BCR: variants seen among roughly 807,000 people sequenced by gnomAD.
BCR encodes breakpoint cluster region protein.
In BCR, 58 loss-of-function variants were observed where a neutral mutation model predicts 138.6. That is an observed-to-expected ratio of 0.42 (90% CI 0.34 to 0.52). The LOEUF (loss-of-function observed/expected upper bound fraction) is 0.52. Among genes scored for constraint, BCR ranks in the 20% least tolerant of loss-of-function variants. The pLI is 0.06. For missense variants in BCR, 1,599 were observed against 1,727.2 expected (o/e 0.93, Z 1.32); for synonymous variants, 786 against 730.1 (o/e 1.08, Z -1.23).
rs896482285 is a variant in BCR, at chr22:23,181,662, C to G, written c.702C>G (p.Arg234=). 1 of 1,607,936 alleles carries G rather than the reference C, an allele frequency of 6.2e-7. No individual in the cohort carries two copies. Among genetic ancestry groups the G allele is most frequent in the Admixed American group, 1.7e-5 (1 of 60,010 alleles). ...GDASRPPYRG[R]SSESSCGVDG... ...CATCCAGGCCCCCTTACCGGGGACG[C>G]TCCTCGGAGAGCAGCTGCGGCGTCG... The change falls in exon 1 of 23, where the codon CGC becomes CGG. Residue 234 remains arginine (R), a synonymous_variant. Coordinates refer to ENST00000305877, the MANE Select transcript of BCR (RefSeq NM_004327.4).
intron 7 of BCR, among the ~76,000 whole-genome samples, chr22:23,273,363 T>C (rs755469165): frequency 5.3e-5 from 8 of 152,130 alleles, no homozygotes; most frequent in Non-Finnish European, 1.0e-4. Context: ...AGTGCTGAGG[T>C]TGAGAAACCC....
chr22:23,274,229 G>A (rs1490402324), intron 8 of BCR, among the ~76,000 whole-genome samples: 2 of 152,208 alleles, frequency 1.3e-5, no homozygotes, highest in African/African-American at 4.8e-5. Context: ...AGTGGGGTTC[G>A]TGGTTTGTGT....
At chr22:23,247,754 C>T (rs866301685) in intron 1 of BCR, among the ~76,000 whole-genome samples, 8 of 152,300 alleles carry the variant, frequency 5.3e-5, no homozygotes, top group Non-Finnish European at 2.9e-5. Context: ...CCCACCGTTC[C>T]ACCTTCTGTC....
At position 23,263,908 on chromosome 22, in the gene BCR, C is replaced by T. The variant is rs531464466; in HGVS notation, c.1752+2368C>T. The stretch of plus-strand genomic sequence containing the variant: ...TTACTCAGCTCTTTTGTGACAGGGA[C>T]GGCTTGTTGTGGGCACTTCTCACCC... On this transcript the variant is annotated intron_variant, in intron 4 of 22. Coordinates refer to ENST00000305877, the MANE Select transcript of BCR (RefSeq NM_004327.4). 48 of 949,262 alleles carry T rather than the reference C, an allele frequency of 5.1e-5. 1 individual carries two copies. Among genetic ancestry groups the T allele is most frequent in the Admixed American group, 1.4e-4 (8 of 58,996 alleles). 58.8% of individuals were successfully genotyped at this position (949,262 alleles called of 1,614,324 possible).
chr22:23,313,743 C>T (rs959951615), intron 20 of BCR, among the ~76,000 whole-genome samples: 2 of 152,178 alleles, frequency 1.3e-5, no homozygotes, highest in East Asian at 1.9e-4. Context: ...TGCTGTTTGC[C>T]GGGTGCTGCT....
chr22:23,235,317 T>C lies in BCR; in HGVS notation c.1280-18482T>C, dbSNP rs1237704023. On this transcript the variant is annotated intron_variant, in intron 1 of 22. Coordinates refer to ENST00000305877, the MANE Select transcript of BCR (RefSeq NM_004327.4). ...CTGGTCTCGAACTCCTGACCTCAAG[T>C]GATCCGCCTGCCTTGGCATCCCAAA... Among the ~76,000 whole-genome samples, 7 of 144,294 alleles carry C rather than the reference T, an allele frequency of 4.9e-5. 2 individuals are homozygous for C. The highest frequency in any genetic ancestry group is 1.1e-4 in the Non-Finnish European group (7 of 63,476). 94.7% of individuals were successfully genotyped at this position (144,294 alleles called of 152,430 possible).
Position 23,289,378 on chromosome 22 carries a change from C to T in BCR, c.2603-139C>T, listed in dbSNP as rs76387161. On this transcript the variant is annotated intron_variant, in intron 12 of 22. Coordinates refer to ENST00000305877, the MANE Select transcript of BCR (RefSeq NM_004327.4). ...AGCACTGCACTTGAGAGCCAAGTGC[C>T]CTCTCCTGAGCCCCCAAGCCCTGGC... 5,177 of 683,232 alleles carry T rather than the reference C, an allele frequency of 7.6e-3. 35 individuals carry two copies. Among genetic ancestry groups the T allele is most frequent in the Non-Finnish European group, 8.8e-3 (3,444 of 391,286 alleles). The allele number at this position is 683,232 out of a possible 1,614,324, so 42.3% of individuals were successfully genotyped here.
At chr22:23,282,264 G>A (rs931280609) in intron 8 of BCR, among the ~76,000 whole-genome samples, 21 of 152,240 alleles carry the variant, frequency 1.4e-4, no homozygotes, top group African/African-American at 5.1e-4. Flanking sequence ...TGTTTCTCCA[G>A]GTGCACATGC....
At chr22:23,196,527 T>C (rs1048554378) in intron 1 of BCR, among the ~76,000 whole-genome samples, 5 of 152,152 alleles carry the variant, frequency 3.3e-5, no homozygotes, top group Non-Finnish European at 7.3e-5. Context: ...TCTCTCGATA[T>C]CCGCAGGAAA....
intron 4 of BCR, chr22:23,264,040 T>G: frequency 1.0e-6 from 1 of 985,332 alleles, no homozygotes; most frequent in East Asian, 2.4e-5. Flanking sequence ...CCTTTCGCAC[T>G]GCTCTCCTGT....
chr22:23,210,240 A>T (rs1479346568), intron 1 of BCR, among the ~76,000 whole-genome samples: 2 of 151,830 alleles, frequency 1.3e-5, no homozygotes, highest in African/African-American at 4.8e-5. Context: ...ACAAAGTGAG[A>T]CCCCATCTCT....
At position 23,183,375 on chromosome 22, in the gene BCR, A is replaced by G. The variant is rs542273795; in HGVS notation, c.1279+1136A>G. The stretch of plus-strand genomic sequence containing the variant: ...TGCTTGGTTTGTCAAAATCCTCTTC[A>G]AACGAGTGAGGCTATTTTTGGCTCT... On this transcript the variant is annotated intron_variant, in intron 1 of 22. Transcript: ENST00000305877. Among the ~76,000 whole-genome samples, 11 of 152,370 alleles carry G rather than the reference A, an allele frequency of 7.2e-5. No individual in the cohort carries two copies. In the South Asian group the frequency reaches 2.3e-3, roughly 32 times the overall value.
chr22:23,199,217 GA>G (rs1159495434), intron 1 of BCR: 2 of 500,466 alleles, frequency 4.0e-6, no homozygotes, highest in South Asian at 2.9e-5. Flanking sequence ...TTAGTGGCCA[GA>G]TGGTGTGAGT....
At chr22:23,302,756 C>G (rs1035588579) in intron 16 of BCR, 1 of 152,256 alleles carries the variant, frequency 6.6e-6, no homozygotes, top group African/African-American at 2.4e-5. Flanking sequence ...ACAAACAAGC[C>G]CCCCAGCTGG....
At chr22:23,297,184 GC>G (rs1167772794) in intron 16 of BCR, among the ~76,000 whole-genome samples, 1 of 148,994 alleles carries the variant, frequency 6.7e-6, no homozygotes, top group Non-Finnish European at 1.5e-5. Flanking sequence ...TTACAGTCGT[GC>G]CCCACCATGC....
chr22:23,217,055 A>G (rs1446422439), intron 1 of BCR: 1 of 450,098 alleles, frequency 2.2e-6, no homozygotes, highest in Admixed American at 2.4e-5. Context: ...GCGTGGACAC[A>G]AGGCATGATT....
At chr22:23,233,473 C>T (rs5759653) in intron 1 of BCR, among the ~76,000 whole-genome samples, 17,449 of 152,212 alleles carry the variant, frequency 0.11, 1,160 homozygotes, top group East Asian at 0.24. Context: ...GTGGTGCACG[C>T]CTGGCCCTGG....
At chr22:23,286,422 T>C (rs2073713858) in intron 10 of BCR, among the ~76,000 whole-genome samples, 1 of 152,154 alleles carries the variant, frequency 6.6e-6, no homozygotes, top group Non-Finnish European at 1.5e-5. Context: ...CCAGCACACT[T>C]AGGAACACAG....
chr22:23,303,263 A>T (rs1293579976), intron 16 of BCR, among the ~76,000 whole-genome samples: 1 of 152,190 alleles, frequency 6.6e-6, no homozygotes, highest in East Asian at 1.9e-4. Context: ...CTCCACGTTT[A>T]CTTTCCAGCA....
Sources: gnomAD v4.1 joint callset for allele counts (sites outside exome capture counted in the v4.1 genomes callset) on GRCh38, gnomAD v4.1.1 for gene constraint, MANE v1.5 for transcripts, NCBI Gene and HGNC (gene_info 2026-07-23, HGNC 2026-07-21) for gene names.